Variants in TTC7B observed in about 807,000 individuals in gnomAD.
TTC7B encodes the protein tetratricopeptide repeat protein 7B.
In TTC7B, 28 loss-of-function variants were observed where a neutral mutation model predicts 106.8. That is an observed-to-expected ratio of 0.26 (90% confidence interval 0.19 to 0.36). The LOEUF (loss-of-function observed/expected upper bound fraction) is 0.36. TTC7B is among the 10% of genes least tolerant of loss of function. The pLI is 1.00. For synonymous variants in TTC7B, 405 were observed against 430.6 expected, an observed-to-expected ratio of 0.94 and a Z score of 0.74; for missense variants, 862 against 1,076.4, an observed-to-expected ratio of 0.80 and a Z score of 2.79.
intron 19 of TTC7B, among the ~76,000 whole-genome samples, chr14:90,561,986 G>A (rs1436932009): frequency 2.0e-5 from 3 of 152,156 alleles, no homozygotes; most frequent in Non-Finnish European, 4.4e-5. Flanking sequence ...TGCTCCTTGG[G>A]TTCTGTCCTA....
chr14:90,726,428 C>T (rs566147380), intron 5 of TTC7B, among the ~76,000 whole-genome samples: 4 of 152,278 alleles, frequency 2.6e-5, no homozygotes, highest in South Asian at 2.1e-4. Flanking sequence ...TGGCAATGTC[C>T]GGCTCGGTCA....
chr14:90,768,460 G>A (rs1027514671), intron 3 of TTC7B, among the ~76,000 whole-genome samples: 4 of 152,146 alleles, frequency 2.6e-5, no homozygotes, highest in African/African-American at 7.2e-5. Context: ...GGGGAAAACC[G>A]TACCCATGAA....
At chr14:90,644,757 G>A (rs1351252857) in intron 14 of TTC7B, 1 of 152,166 alleles carries the variant, frequency 6.6e-6, no homozygotes, top group East Asian at 1.9e-4. Context: ...CCTTTGTCTT[G>A]GACCTCCACT....
Position 90,744,918 on chromosome 14 carries a change from A to C in TTC7B, c.450T>G (p.Leu150=), listed in dbSNP as rs1385064881. Reference sequence around the variant, plus strand: ...AAGAAATAGGCAGCTTCTCCAAACAAAGTCCTTAAAAAAATATCAGACACA... The same window carrying C: ...AAGAAATAGGCAGCTTCTCCAAACACAGTCCTTAAAAAAATATCAGACACA... The part of the protein sequence containing the change: ...VIAEAYATKG[L]CLEKLPISSS... The change falls in exon 4 of 20, where the codon CTT becomes CTG. Residue 150 remains leucine (L), a synonymous_variant. Transcript: ENST00000328459. 6.2e-7 allele frequency: 1 copy of C among 1,610,856 alleles called. No homozygotes were observed. Among genetic ancestry groups the C allele is most frequent in the Admixed American group, 1.7e-5 (1 of 59,098 alleles).
At chr14:90,670,919 C>A (rs1434016038) in intron 9 of TTC7B, among the ~76,000 whole-genome samples, 1 of 152,156 alleles carries the variant, frequency 6.6e-6, no homozygotes, top group African/African-American at 2.4e-5. Context: ...ACACTCCTTG[C>A]ACATCTAGGG....
chr14:90,597,764 T>C (rs1047902279), intron 17 of TTC7B, among the ~76,000 whole-genome samples: 3 of 152,146 alleles, frequency 2.0e-5, no homozygotes, highest in Non-Finnish European at 2.9e-5. Context: ...TTTTGACTTA[T>C]ATAGGTAAAC....
At chr14:90,548,756 A>T (rs1007440009) in intron 19 of TTC7B, among the ~76,000 whole-genome samples, 1 of 152,192 alleles carries the variant, frequency 6.6e-6, no homozygotes, top group South Asian at 2.1e-4. Context: ...GCTACCACAG[A>T]CTGAGCGTGG....
At chr14:90,640,277 A>AG (rs1885118087) in intron 15 of TTC7B, among the ~76,000 whole-genome samples, 1 of 86,610 alleles carries the variant, frequency 1.2e-5, no homozygotes, top group Non-Finnish European at 3.1e-5. Context: ...GTCTCAAAAC[A>AG]AAAAAAAAAG....
intron 5 of TTC7B, among the ~76,000 whole-genome samples, chr14:90,714,449 C>G (rs950992619): frequency 7.3e-6 from 1 of 137,262 alleles, no homozygotes; most frequent in Non-Finnish European, 1.6e-5. Context: ...GATTGCACAG[C>G]TGTATAAATT....
At chr14:90,622,054 T>C (rs1334324760) in intron 15 of TTC7B, among the ~76,000 whole-genome samples, 3 of 151,684 alleles carry the variant, frequency 2.0e-5, no homozygotes, top group Admixed American at 1.3e-4. Context: ...GTCAACACGA[T>C]GAAGAGGGCA....
At chr14:90,776,175 A>ACACACACACACACACACG (rs1467799034) in intron 3 of TTC7B, among the ~76,000 whole-genome samples, 2 of 148,974 alleles carry the variant, frequency 1.3e-5, no homozygotes, top group East Asian at 4.0e-4. Flanking sequence ...ACACACACAC[A>ACACACACACACACACACG]CGCCAGGAAT....
intron 4 of TTC7B, among the ~76,000 whole-genome samples, chr14:90,733,585 C>T (rs933912803): frequency 1.3e-5 from 2 of 152,200 alleles, no homozygotes; most frequent in Non-Finnish European, 2.9e-5. Context: ...CATTGTTTGG[C>T]AGTGCTGAAG....
In TTC7B at chr14:90,537,253, G is replaced by C. The variant is rs941018053; in HGVS notation, c.*4115C>G. On this transcript the variant is annotated 3_prime_UTR_variant, in exon 20 of 20. Transcript: ENST00000328459. ...CATGCAGGCTGGACTGCGGTGGCGT[G>C]ATCACTCACTGCAGCCTCAACCACC... 6.6e-6 allele frequency: 1 copy of C among 152,180 alleles called. No individual in the cohort carries two copies. The highest frequency in any genetic ancestry group is 1.5e-5 in the Non-Finnish European group (1 of 68,076). The allele number at this position is 152,180 out of a possible 1,614,324, so 9.4% of individuals were successfully genotyped here. A position where few individuals can be genotyped will look rare whatever the true frequency, so the allele number is the denominator to read the frequency against.
chr14:90,554,038 C>T (rs1890199233), intron 19 of TTC7B, among the ~76,000 whole-genome samples: 1 of 152,344 alleles, frequency 6.6e-6, no homozygotes, highest in African/African-American at 2.4e-5. Flanking sequence ...AGCCAAAGGG[C>T]TTGATCAGCC....
intron 3 of TTC7B, among the ~76,000 whole-genome samples, chr14:90,752,636 A>T (rs974078457): frequency 1.3e-5 from 2 of 152,162 alleles, no homozygotes; most frequent in African/African-American, 4.8e-5. Flanking sequence ...CCTACTCAGC[A>T]CCCAGCACTA....
intron 1 of TTC7B, among the ~76,000 whole-genome samples, chr14:90,786,969 T>C (rs1891414116): frequency 6.6e-6 from 1 of 152,198 alleles, no homozygotes; most frequent in Admixed American, 6.5e-5. Context: ...ATGATCTTTA[T>C]AAAACACACA....
chr14:90,786,148 C>A, intron 2 of TTC7B, 26 bp downstream of exon 2: 1 of 1,512,304 alleles, frequency 6.6e-7, no homozygotes, highest in South Asian at 1.3e-5. Context: ...AAGGAAGTGT[C>A]GCCTCAGCCC....
chr14:90,599,853 GA>G (rs141597227), intron 17 of TTC7B, among the ~76,000 whole-genome samples: 2,387 of 152,242 alleles, frequency 0.016, 61 homozygotes, highest in African/African-American at 0.054. Flanking sequence ...ATCTCTTAAA[GA>G]ACCTGAATAT....
intron 5 of TTC7B, among the ~76,000 whole-genome samples, chr14:90,722,210 G>T (rs11847179): frequency 0.09 from 13,710 of 152,186 alleles, 1,601 homozygotes; most frequent in African/African-American, 0.27. Context: ...TTCTGAAGCT[G>T]TTAAAGCAGC....
Sources: allele counts gnomAD v4.1 joint callset (sites outside exome capture counted in the v4.1 genomes callset), GRCh38; gene constraint gnomAD v4.1.1; transcripts MANE v1.5; gene names NCBI Gene and HGNC (gene_info 2026-07-23, HGNC 2026-07-21).